The following FGF12 variants were observed in gnomAD, a reference collection of about 807,000 sequenced individuals.
FGF12 encodes the protein fibroblast growth factor 12.
Under a neutral mutation model 23.6 loss-of-function variants are expected in FGF12, and 14 were observed. The ratio of observed to expected loss-of-function variants is 0.59; its 90% CI spans 0.39 to 0.93. The LOEUF (loss-of-function observed/expected upper bound fraction) is 0.93, where lower values mean the gene tolerates loss of function less well. Ranked by LOEUF, FGF12 falls within the 40% of genes least tolerant of loss-of-function variation. FGF12 has a pLI of 0.00. For synonymous variants in FGF12, 62 were observed against 77.3 expected, an observed-to-expected ratio of 0.80 and a Z score of 1.04; for missense variants, 175 against 217.8, an observed-to-expected ratio of 0.80 and a Z score of 1.24.
intron 2 of FGF12, among the ~76,000 whole-genome samples, chr3:192,661,348 C>T (rs1356199743): frequency 6.6e-6 from 1 of 152,110 alleles, no homozygotes; most frequent in Non-Finnish European, 1.5e-5. Flanking sequence ...AGGGTGAAAC[C>T]CCATCTCTAC....
intron 2 of FGF12, among the ~76,000 whole-genome samples, chr3:192,428,956 T>C (rs1321326317): frequency 1.3e-5 from 2 of 152,078 alleles, no homozygotes; most frequent in Non-Finnish European, 2.9e-5. Flanking sequence ...AGTTTATTCA[T>C]CCTTCTTAAA....
At chr3:192,158,383 T>TTTCTTC (rs771206580) in intron 5 of FGF12, among the ~76,000 whole-genome samples, 1 of 85,896 alleles carries the variant, frequency 1.2e-5, no homozygotes, top group African/African-American at 6.4e-5. Context: ...TCTTTCTTTC[T>TTTCTTC]TTTCTTTCTC....
At chr3:192,470,265 C>T (rs1450298047) in intron 2 of FGF12, among the ~76,000 whole-genome samples, 2 of 152,132 alleles carry the variant, frequency 1.3e-5, no homozygotes, top group African/African-American at 4.8e-5. Context: ...AAATTCAGCA[C>T]TGAAGATATT....
intron 2 of FGF12, among the ~76,000 whole-genome samples, chr3:192,667,754 A>C (rs1160453908): frequency 1.3e-5 from 2 of 152,048 alleles, no homozygotes; most frequent in Non-Finnish European, 2.9e-5. Context: ...GCAGAATGGC[A>C]AGTGTGGTAG....
chr3:192,190,128 T>TA (rs982731688), intron 4 of FGF12, among the ~76,000 whole-genome samples: 91 of 152,304 alleles, frequency 6.0e-4, no homozygotes, highest in African/African-American at 2.0e-3. Context: ...ATTTTGAAAT[T>TA]ATGTTGCATA....
chr3:192,368,362 G>A (rs898345886), intron 2 of FGF12, among the ~76,000 whole-genome samples: 1 of 152,172 alleles, frequency 6.6e-6, no homozygotes, highest in Non-Finnish European at 1.5e-5. Flanking sequence ...ATAATAAAAT[G>A]TTAGTATAAG....
intron 2 of FGF12, among the ~76,000 whole-genome samples, chr3:192,447,826 T>C (rs934696439): frequency 6.6e-6 from 1 of 152,204 alleles, no homozygotes; most frequent in Non-Finnish European, 1.5e-5. Flanking sequence ...ATGTCTACTC[T>C]TACATAGCTA....
intron 2 of FGF12, among the ~76,000 whole-genome samples, chr3:192,363,195 A>C (rs538271692): frequency 1.3e-5 from 2 of 152,092 alleles, no homozygotes; most frequent in South Asian, 4.2e-4. Flanking sequence ...ATATGTAACA[A>C]ACCTGCAAGT....
At chr3:192,183,787 C>A (rs979003795) in intron 4 of FGF12, among the ~76,000 whole-genome samples, 1 of 152,138 alleles carries the variant, frequency 6.6e-6, no homozygotes, top group Admixed American at 6.5e-5. Flanking sequence ...GGAATTAACC[C>A]GATCAAGACC....
intron 5 of FGF12, among the ~76,000 whole-genome samples, chr3:192,149,463 C>A (rs868120191): frequency 8.9e-6 from 1 of 112,858 alleles, no homozygotes; most frequent in Non-Finnish European, 1.8e-5. Context: ...ATCCCTCCCC[C>A]CTCCCCCCAC....
chr3:192,672,251 C>T (rs1198966778), intron 2 of FGF12, among the ~76,000 whole-genome samples: 1 of 150,956 alleles, frequency 6.6e-6, no homozygotes, highest in African/African-American at 2.4e-5. Flanking sequence ...ACCTCCCAGA[C>T]CAAATGCTTT....
chr3:192,546,322 T>A (rs555179485), intron 2 of FGF12, among the ~76,000 whole-genome samples: 1 of 152,222 alleles, frequency 6.6e-6, no homozygotes, highest in African/African-American at 2.4e-5. Context: ...ATTAAACCTA[T>A]CATCACTAAT....
intron 4 of FGF12, among the ~76,000 whole-genome samples, chr3:192,309,374 T>G (rs1218177479): frequency 6.6e-6 from 1 of 152,148 alleles, no homozygotes; most frequent in African/African-American, 2.4e-5. Context: ...GAAGAAACTG[T>G]GGCAACAAAA....
intron 4 of FGF12, among the ~76,000 whole-genome samples, chr3:192,294,637 G>T (rs1488368818): frequency 6.6e-6 from 1 of 152,130 alleles, no homozygotes; most frequent in Admixed American, 6.6e-5. Context: ...GTATAGAAAG[G>T]CATCACAATT....
chr3:192,464,763 T>C (rs1292929875), intron 2 of FGF12, among the ~76,000 whole-genome samples: 1 of 152,150 alleles, frequency 6.6e-6, no homozygotes, highest in Non-Finnish European at 1.5e-5. Flanking sequence ...ATTACAGCTT[T>C]TTCCTGTGGA....
chr3:192,682,731 G>A (rs996725861), intron 2 of FGF12, among the ~76,000 whole-genome samples: 1 of 152,158 alleles, frequency 6.6e-6, no homozygotes, highest in Non-Finnish European at 1.5e-5. Flanking sequence ...AGTTAAGGAG[G>A]TGTCTCTGGA....
chr3:192,365,344 A>G (rs1236036404), intron 2 of FGF12, among the ~76,000 whole-genome samples: 1 of 152,140 alleles, frequency 6.6e-6, no homozygotes, highest in Non-Finnish European at 1.5e-5. Context: ...CTAAAAAGAC[A>G]TAACAACTAA....
chr3:192,207,053 A>C (rs1717689014), intron 4 of FGF12, among the ~76,000 whole-genome samples: 1 of 152,174 alleles, frequency 6.6e-6, no homozygotes, highest in Non-Finnish European at 1.5e-5. Flanking sequence ...AAAAATAACT[A>C]GGCTTTGGCA....
At position 192,158,401 on chromosome 3, in the gene FGF12, CT is replaced by C. The variant is rs752815318; in HGVS notation, c.427+12056del. Among the ~76,000 whole-genome samples the C allele has an allele frequency of 3.7e-3, 155 of 41,540 alleles. 2 individuals carry two copies. Among genetic ancestry groups the C allele is most frequent in the African/African-American group, 0.018 (151 of 8,602 alleles). The allele number at this position is 41,540 out of a possible 152,430, so 27.3% of individuals were successfully genotyped here. Reference sequence around the variant, plus strand: ...TTCTTTCTTTTCTTTCTCTCTCTTTCTTTTTCTTTCTTTCTCTTTCTTTTTC... The same window carrying C: ...TTCTTTCTTTTCTTTCTCTCTCTTTCTTTTCTTTCTTTCTCTTTCTTTTTC... On this transcript the variant is annotated intron_variant, in intron 5 of 5. Transcript: ENST00000445105.
Sources: gnomAD v4.1 joint callset for allele counts (sites outside exome capture counted in the v4.1 genomes callset) on GRCh38, gnomAD v4.1.1 for gene constraint, MANE v1.5 for transcripts, NCBI Gene and HGNC (gene_info 2026-07-23, HGNC 2026-07-21) for gene names.